The following RNF41 variants were observed in gnomAD, a reference collection of about 807,000 sequenced individuals.
RNF41 encodes the protein E3 ubiquitin-protein ligase NRDP1.
A neutral mutation model predicts 33.0 loss-of-function variants in RNF41; 4 were observed. The ratio of observed to expected loss-of-function variants is 0.12; its 90% CI spans 0.06 to 0.28. The LOEUF (loss-of-function observed/expected upper bound fraction) is 0.28. Among genes scored for constraint, RNF41 ranks in the 10% least tolerant of loss-of-function variants. RNF41 has a pLI of 1.00. For missense variants in RNF41, 228 were observed against 432.6 expected (o/e 0.53, Z 4.19); for synonymous variants, 164 against 153.2 (o/e 1.07, Z -0.52).
rs1361053010 is a variant in RNF41, at chr12:56,207,647, C to G, written c.601G>C (p.Glu201Gln). The G allele has an allele frequency of 2.5e-6, 4 of 1,607,546 alleles. No individual in the cohort carries two copies. In the African/African-American group the frequency reaches 5.3e-5, roughly 21 times the overall value. ...CTCCACGTCCTGAGTGACACTCACT[C>G]TAGGATCTCGTTGTATTCAATTGTC... ...EETIEYNEIL[E>Q]WVNSLQPARV... Residue 201 changes from glutamate to glutamine, a missense_variant and splice_region_variant, in exon 6 of 7, where the codon GAG (glutamate) becomes CAG (glutamine). Glu to Gln is a conservative substitution (Grantham distance 29). This residue lies in a region of RNF41 where 199 missense variants were observed against 334.6 expected (regional missense o/e 0.59). Coordinates refer to ENST00000345093, the MANE Select transcript of RNF41 (RefSeq NM_005785.4).
At chr12:56,211,212 T>A (rs2135805498) in intron 3 of RNF41, among the ~76,000 whole-genome samples, 1 of 150,996 alleles carries the variant, frequency 6.6e-6, no homozygotes, top group Admixed American at 6.6e-5. Context: ...GTGCCTATAG[T>A]CCCAGCTAGC....
At position 56,205,431 on chromosome 12, in the gene RNF41, A is replaced by G. The variant is rs1256566130; in HGVS notation, c.*1016T>C. The G allele has an allele frequency of 6.6e-6, 1 of 151,992 alleles. No homozygotes were observed. The highest frequency in any genetic ancestry group is 1.5e-5 in the Non-Finnish European group (1 of 67,998). The allele number at this position is 151,992 out of a possible 1,614,324, so 9.4% of individuals were successfully genotyped here. ...CCACCCTATCCAGAACCCCCACAATAGGAACATCAAAAGAAAAGTTTCAAG... is the reference window on the plus strand; with the variant it reads ...CCACCCTATCCAGAACCCCCACAATGGGAACATCAAAAGAAAAGTTTCAAG... On this transcript the variant is annotated 3_prime_UTR_variant, in exon 7 of 7. Coordinates refer to ENST00000345093, the MANE Select transcript of RNF41 (RefSeq NM_005785.4).
intron 1 of RNF41, among the ~76,000 whole-genome samples, chr12:56,221,066 C>T (rs753783362): frequency 6.6e-6 from 1 of 152,118 alleles, no homozygotes; most frequent in Non-Finnish European, 1.5e-5. Context: ...AGTTTCTGAA[C>T]GGGGAAGCAG....
At position 56,206,508 on chromosome 12, in the gene RNF41, T is replaced by C. The variant is rs1302396584; in HGVS notation, c.893A>G (p.Asp298Gly). The change falls in exon 7 of 7, where the codon GAT becomes GGT. Residue 298 changes from aspartate (D) to glycine (G), a missense_variant. Asp to Gly is a moderately conservative substitution (Grantham distance 94). This residue lies in a region of RNF41 where 199 missense variants were observed against 334.6 expected (regional missense o/e 0.59). Transcript: ENST00000345093. This position sits in a 1 kb window ranked among gnomAD's most constrained non-coding sequence, Gnocchi z 5.7. ...VMACENQHMGDDMVQEPGLVM... is the reference protein window; with the variant it reads ...VMACENQHMGGDMVQEPGLVM... ...AAGGCCTGGCTCTTGCACCATGTCA[T>C]CCCCCATGTGCTGGTTCTCACAGGC... 1.2e-6 allele frequency: 2 copies of C among 1,614,154 alleles called. No individual in the cohort carries two copies. Among genetic ancestry groups the C allele is most frequent in the East Asian group, 2.2e-5 (1 of 44,884 alleles).
chr12:56,220,251 G>C (rs1197285346), intron 1 of RNF41, among the ~76,000 whole-genome samples: 1 of 151,714 alleles, frequency 6.6e-6, no homozygotes, highest in Non-Finnish European at 1.5e-5. Flanking sequence ...GTCTCACTCT[G>C]TTGCCCAGGT....
intron 6 of RNF41, chr12:56,207,147 T>C: frequency 7.6e-7 from 1 of 1,318,074 alleles, no homozygotes; most frequent in South Asian, 1.3e-5. Flanking sequence ...ATTTGCCCTG[T>C]ATATATTGAT....
rs532962126 is a variant in RNF41, at chr12:56,214,081, A to T, written c.-23-11T>A. The T allele has an allele frequency of 6.7e-7, 1 of 1,484,332 alleles. No individual in the cohort carries two copies. Among genetic ancestry groups the T allele is most frequent in the African/African-American group, 1.4e-5 (1 of 72,608 alleles). The allele number at this position is 1,484,332 out of a possible 1,614,324, so 91.9% of individuals were successfully genotyped here. A position where few individuals can be genotyped will look rare whatever the true frequency, so the allele number is the denominator to read the frequency against. The stretch of plus-strand genomic sequence containing the variant: ...ACTGAAACCCAGGTCCTGAAAGGAC[A>T]ACAGGAAAAAGAGGCCAGTTCAGAA... On this transcript the variant is annotated splice_polypyrimidine_tract_variant and intron_variant, in intron 2 of 6. Coordinates refer to ENST00000345093, the MANE Select transcript of RNF41 (RefSeq NM_005785.4).
intron 5 of RNF41, 32 bp downstream of exon 5, chr12:56,208,131 G>A (rs775004661): frequency 1.4e-5 from 23 of 1,613,640 alleles, no homozygotes; most frequent in Non-Finnish European, 1.8e-5. Context: ...TGCATATGAG[G>A]GATATGTTCT....
rs765027499 is a variant in RNF41 at position 56,206,566 on chromosome 12, G to A, written c.835C>T (p.Arg279Cys). ...RRYYENYVAK[R>C]IPGKQAVVVM... ...ACAACAGCCTGCTTGCCAGGGATGC[G>A]CTTGGCCACGTAGTTCTCATAGTAG... Residue 279 changes from arginine to cysteine, a missense_variant, in exon 7 of 7, where the codon CGC (arginine) becomes TGC (cysteine). By Grantham distance (180) the Arg-to-Cys change is radical (BLOSUM62 -3). Transcript: ENST00000345093. The surrounding 1 kb of genome is among the most constrained non-coding windows in gnomAD (Gnocchi z 5.7). The A allele has an allele frequency of 4.1e-5, 66 of 1,614,168 alleles. No homozygotes were observed. Among genetic ancestry groups the A allele is most frequent in the Non-Finnish European group, 5.4e-5 (64 of 1,180,036 alleles).
intron 1 of RNF41, among the ~76,000 whole-genome samples, chr12:56,220,819 T>C (rs753669983): frequency 2.6e-5 from 4 of 152,144 alleles, no homozygotes; most frequent in Non-Finnish European, 5.9e-5. Flanking sequence ...TCCTTCTTTT[T>C]ACTAGAAGGC....
intron 1 of RNF41, among the ~76,000 whole-genome samples, chr12:56,217,987 T>C (rs541519383): frequency 3.3e-5 from 5 of 152,276 alleles, no homozygotes; most frequent in African/African-American, 1.2e-4. Flanking sequence ...AGAGTCTCGC[T>C]CTGTCACCTA....
At position 56,206,276 on chromosome 12, in the gene RNF41, T is replaced by C; in HGVS notation, c.*171A>G. 1 of 638,470 alleles carries C rather than the reference T, an allele frequency of 1.6e-6. No homozygotes were observed. Among genetic ancestry groups the C allele is most frequent in the Non-Finnish European group, 2.7e-6 (1 of 366,664 alleles). The allele number at this position is 638,470 out of a possible 1,614,324, so 39.6% of individuals were successfully genotyped here. ...AGGGAGGAAATCTGGGTTTCCCACCTGAAAGGCTGAGCAAACTACCCCAAG... is the reference window on the plus strand; with the variant it reads ...AGGGAGGAAATCTGGGTTTCCCACCCGAAAGGCTGAGCAAACTACCCCAAG... On this transcript the variant is annotated 3_prime_UTR_variant, in exon 7 of 7. Coordinates refer to ENST00000345093, the MANE Select transcript of RNF41 (RefSeq NM_005785.4). This position sits in a 1 kb window ranked among gnomAD's most constrained non-coding sequence, Gnocchi z 5.7.
intron 6 of RNF41, chr12:56,207,213 T>G: frequency 7.5e-7 from 1 of 1,328,364 alleles, no homozygotes; most frequent in Non-Finnish European, 9.8e-7. Flanking sequence ...GAAAGAGATC[T>G]TAGACTTCAC....
At chr12:56,213,392 G>A (rs1487643744) in intron 3 of RNF41, among the ~76,000 whole-genome samples, 3 of 152,044 alleles carry the variant, frequency 2.0e-5, no homozygotes, top group Non-Finnish European at 4.4e-5. Context: ...TAGAGACGGG[G>A]TTTCACCATG....
intron 1 of RNF41, among the ~76,000 whole-genome samples, chr12:56,219,354 G>A (rs1869160575): frequency 6.6e-6 from 1 of 151,648 alleles, no homozygotes; most frequent in South Asian, 2.1e-4. Flanking sequence ...AGGACGCCCA[G>A]CTAATTTTTT....
chr12:56,212,552 G>A (rs1216232684), intron 3 of RNF41, among the ~76,000 whole-genome samples: 1 of 151,938 alleles, frequency 6.6e-6, no homozygotes, highest in African/African-American at 2.4e-5. Context: ...AACAGACAAG[G>A]CCCTGCCAGG....
chr12:56,214,936 G>A (rs1245231109), intron 2 of RNF41, among the ~76,000 whole-genome samples: 1 of 152,186 alleles, frequency 6.6e-6, no homozygotes, highest in Admixed American at 6.6e-5. Context: ...AGGACCTTAT[G>A]AGGACAAGAG....
At chr12:56,207,235 G>A (rs1452432836) in intron 6 of RNF41, 6 of 1,325,396 alleles carry the variant, frequency 4.5e-6, no homozygotes, top group Admixed American at 2.2e-5. Flanking sequence ...TGTATACTTC[G>A]CTTGTTTTTG....
At chr12:56,211,174 GAAA>G (rs61231496) in intron 3 of RNF41, among the ~76,000 whole-genome samples, 4 of 146,766 alleles carry the variant, frequency 2.7e-5, no homozygotes, top group African/African-American at 9.9e-5. Context: ...AATACATCTC[GAAA>G]AAAAAAAGCT....
Sources: allele counts gnomAD v4.1 joint callset (sites outside exome capture counted in the v4.1 genomes callset), GRCh38; gene constraint gnomAD v4.1.1; regional missense constraint gnomAD v4.1.1; non-coding constraint Gnocchi (gnomAD v3.1); transcripts MANE v1.5; gene names NCBI Gene and HGNC (gene_info 2026-07-23, HGNC 2026-07-21).